The following KCNT2 variants were observed in gnomAD, a reference collection of about 807,000 sequenced individuals.
The protein encoded by KCNT2 is potassium channel subfamily T member 2.
In KCNT2, 67 loss-of-function variants were observed where a neutral mutation model predicts 153.8. That is an observed-to-expected ratio of 0.44 (90% CI 0.36 to 0.53). KCNT2 has a LOEUF of 0.53. Among genes scored for constraint, KCNT2 ranks in the 20% least tolerant of loss-of-function variants. The pLI is 0.00. For synonymous variants in KCNT2, 500 were observed against 458.8 expected, an observed-to-expected ratio of 1.09 and a Z score of -1.15; for missense variants, 975 against 1,354.8, an observed-to-expected ratio of 0.72 and a Z score of 4.40.
intron 2 of KCNT2, among the ~76,000 whole-genome samples, chr1:196,491,221 C>G (rs1679835122): frequency 6.6e-6 from 1 of 151,912 alleles, no homozygotes; most frequent in Non-Finnish European, 1.5e-5. Flanking sequence ...GATGTGACCC[C>G]TTTAGGTAAT....
intron 1 of KCNT2, among the ~76,000 whole-genome samples, chr1:196,493,565 A>G (rs1014451335): frequency 1.3e-5 from 2 of 151,920 alleles, no homozygotes; most frequent in East Asian, 1.9e-4. Context: ...TTTTAATTTT[A>G]TTATACTTTA....
chr1:196,509,921 ATGTCCATGTTC>A (rs1681475012), intron 1 of KCNT2, among the ~76,000 whole-genome samples: 1 of 152,198 alleles, frequency 6.6e-6, no homozygotes, highest in Non-Finnish European at 1.5e-5. Flanking sequence ...TTGAGAAGAA[ATGTCCATGTTC>A]TGCCAATAAG....
Position 196,555,904 on chromosome 1 carries a change from GGACAGTCTC to G in KCNT2, c.95+52302_95+52310del, listed in dbSNP as rs1558073517. 9.2e-5 allele frequency among the ~76,000 whole-genome samples: 14 copies of G among 151,426 alleles called. No homozygotes were observed. The East Asian group carries it at 2.7e-3, about 29-fold the overall frequency. On this transcript the variant is annotated intron_variant, in intron 1 of 27. Coordinates refer to ENST00000294725, the MANE Select transcript of KCNT2 (RefSeq NM_198503.5). ...GTGTCAAAACTATTCATTGGGGAAA[GGACAGTCTC>G]TTCTATAAATAGTGCTGGGAAAACT...
chr1:196,480,028 G>A (rs941256764), intron 4 of KCNT2, among the ~76,000 whole-genome samples: 1 of 152,006 alleles, frequency 6.6e-6, no homozygotes, highest in Non-Finnish European at 1.5e-5. Flanking sequence ...ATCTTCCTAC[G>A]TATCCTTTTA....
chr1:196,267,730 G>T (rs186183491), intron 25 of KCNT2, among the ~76,000 whole-genome samples: 1 of 152,072 alleles, frequency 6.6e-6, no homozygotes, highest in Non-Finnish European at 1.5e-5. Flanking sequence ...GATGCCCTGC[G>T]CTCAGGACTG....
intron 19 of KCNT2, among the ~76,000 whole-genome samples, chr1:196,322,504 G>A (rs968386071): frequency 3.3e-5 from 5 of 151,884 alleles, no homozygotes; most frequent in South Asian, 4.1e-4. Context: ...AGGAAAATGA[G>A]CACATTCATT....
chr1:196,318,892 T>C lies in KCNT2; in HGVS notation c.2348+592A>G, dbSNP rs1406456385. 2.0e-5 allele frequency among the ~76,000 whole-genome samples: 3 copies of C among 151,872 alleles called. No individual in the cohort carries two copies. In the South Asian group the frequency reaches 6.2e-4, roughly 31 times the overall value. The stretch of plus-strand genomic sequence containing the variant: ...AGAAGTGGAAAAGTAACATATATTA[T>C]TTCAAGTATATTAGCGTTTTGATCT... On this transcript the variant is annotated intron_variant, in intron 20 of 27. Coordinates refer to ENST00000294725, the MANE Select transcript of KCNT2 (RefSeq NM_198503.5).
chr1:196,265,274 T>C (rs1657432564), intron 25 of KCNT2, among the ~76,000 whole-genome samples: 1 of 152,224 alleles, frequency 6.6e-6, no homozygotes, highest in South Asian at 2.1e-4. Flanking sequence ...ATTATGCTGT[T>C]TGAGTTTTTT....
At chr1:196,472,620 A>G (rs998547436) in intron 5 of KCNT2, among the ~76,000 whole-genome samples, 3 of 152,198 alleles carry the variant, frequency 2.0e-5, no homozygotes, top group Non-Finnish European at 4.4e-5. Context: ...CACTTTATAT[A>G]TAGTATGTCT....
intron 1 of KCNT2, among the ~76,000 whole-genome samples, chr1:196,607,666 T>C (rs1665471012): frequency 6.6e-6 from 1 of 152,224 alleles, no homozygotes; most frequent in African/African-American, 2.4e-5. Context: ...CTGTTACATA[T>C]TTAAACCAAT....
At chr1:196,367,359 A>T (rs1381109764) in intron 14 of KCNT2, among the ~76,000 whole-genome samples, 1 of 152,074 alleles carries the variant, frequency 6.6e-6, no homozygotes, top group Non-Finnish European at 1.5e-5. Flanking sequence ...CACATGTAAA[A>T]CTTAGGTGAT....
At chr1:196,363,235 G>A (rs986621855) in intron 14 of KCNT2, among the ~76,000 whole-genome samples, 10 of 151,522 alleles carry the variant, frequency 6.6e-5, no homozygotes, top group African/African-American at 2.4e-4. Flanking sequence ...TTATTTTGTG[G>A]CCCAAAAGAT....
intron 6 of KCNT2, among the ~76,000 whole-genome samples, chr1:196,468,569 C>T (rs553621880): frequency 6.6e-6 from 1 of 152,098 alleles, no homozygotes; most frequent in South Asian, 2.1e-4. Context: ...AATCTCCTTA[C>T]TAAAAACAGA....
intron 1 of KCNT2, among the ~76,000 whole-genome samples, chr1:196,575,902 T>G: frequency 6.8e-6 from 1 of 147,466 alleles, no homozygotes. Context: ...TGCTTTAACC[T>G]GGGAGGCAGA....
intron 1 of KCNT2, among the ~76,000 whole-genome samples, chr1:196,581,634 A>G (rs1467477394): frequency 2.0e-5 from 3 of 152,070 alleles, no homozygotes; most frequent in African/African-American, 7.2e-5. Flanking sequence ...GATGGGGGAA[A>G]GATGGAGGGG....
At position 196,536,343 on chromosome 1, in the gene KCNT2, A is replaced by G. The variant is rs1331436396; in HGVS notation, c.96-44002T>C. Among the ~76,000 whole-genome samples, 4 of 152,232 alleles carry G rather than the reference A, an allele frequency of 2.6e-5. No homozygotes were observed. The East Asian group carries it at 7.7e-4, about 29-fold the overall frequency. ...TAACCACAAGGTTAAGCCTCGATAAACTGCCCAGCTAACAGTGCAGATTAT... is the reference window on the plus strand; with the variant it reads ...TAACCACAAGGTTAAGCCTCGATAAGCTGCCCAGCTAACAGTGCAGATTAT... On this transcript the variant is annotated intron_variant, in intron 1 of 27. Transcript: ENST00000294725.
chr1:196,585,615 T>C (rs530776760), intron 1 of KCNT2, among the ~76,000 whole-genome samples: 3 of 152,096 alleles, frequency 2.0e-5, no homozygotes, highest in African/African-American at 7.2e-5. Context: ...AAAAACATTA[T>C]AGAGATCACA....
chr1:196,472,517 A>G (rs1678184564), intron 5 of KCNT2, among the ~76,000 whole-genome samples: 1 of 152,158 alleles, frequency 6.6e-6, no homozygotes, highest in Admixed American at 6.6e-5. Flanking sequence ...GACTTCCAAT[A>G]TTGTATCAAT....
intron 1 of KCNT2, among the ~76,000 whole-genome samples, chr1:196,547,911 T>A (rs1407966830): frequency 6.6e-6 from 1 of 151,858 alleles, no homozygotes; most frequent in Non-Finnish European, 1.5e-5. Context: ...CTATTTCAGA[T>A]ATAAATCAGC....
Sources: gnomAD v4.1 joint callset for allele counts (sites outside exome capture counted in the v4.1 genomes callset) on GRCh38, gnomAD v4.1.1 for gene constraint, MANE v1.5 for transcripts, NCBI Gene and HGNC (gene_info 2026-07-23, HGNC 2026-07-21) for gene names.